COMMD1: variants seen among roughly 807,000 people sequenced by gnomAD.
COMMD1 encodes COMM domain-containing protein 1.
A neutral mutation model predicts 17.2 loss-of-function variants in COMMD1; 10 were observed. That is an observed-to-expected ratio of 0.58 (90% CI 0.36 to 0.99). COMMD1 has a LOEUF of 0.99. COMMD1 is among the 50% of genes least tolerant of loss of function. The pLI is 0.01. For missense variants in COMMD1, 270 were observed against 231.8 expected, an observed-to-expected ratio of 1.17 and a Z score of -1.07; for synonymous variants, 97 against 91.6, an observed-to-expected ratio of 1.06 and a Z score of -0.34.
intron 1 of COMMD1, among the ~76,000 whole-genome samples, chr2:61,934,309 A>G (rs1450322573): frequency 6.6e-6 from 1 of 152,216 alleles, no homozygotes; most frequent in African/African-American, 2.4e-5. Flanking sequence ...TGGGATGTCC[A>G]CAGTAAATGA....
intron 2 of COMMD1, among the ~76,000 whole-genome samples, chr2:62,003,605 T>TACACAC (rs57628894): frequency 0.1 from 15,285 of 146,096 alleles, 949 homozygotes; most frequent in East Asian, 0.16. Context: ...CAGATATTTT[T>TACACAC]ACACACACAC....
chr2:61,975,984 G>C (rs11679184), intron 1 of COMMD1, among the ~76,000 whole-genome samples: 17,053 of 152,094 alleles, frequency 0.11, 2,260 homozygotes, highest in African/African-American at 0.32. Context: ...TTAGATCCAG[G>C]TGATTAGTAG....
intron 2 of COMMD1, among the ~76,000 whole-genome samples, chr2:62,073,461 A>G (rs1257611394): frequency 1.3e-5 from 2 of 152,146 alleles, no homozygotes; most frequent in African/African-American, 4.8e-5. Flanking sequence ...CAGTAGTTTT[A>G]CTCTTTCAAC....
chr2:62,049,313 G>GA (rs1670474520), intron 2 of COMMD1, among the ~76,000 whole-genome samples: 1 of 152,036 alleles, frequency 6.6e-6, no homozygotes, highest in Non-Finnish European at 1.5e-5. Context: ...CTCTTTTTGG[G>GA]AAAATCCCAA....
chr2:61,937,872 G>T (rs772484530), intron 1 of COMMD1, among the ~76,000 whole-genome samples: 1 of 152,144 alleles, frequency 6.6e-6, no homozygotes, highest in Non-Finnish European at 1.5e-5. Flanking sequence ...TCTTTTACCA[G>T]TTGTTCAGGC....
intron 2 of COMMD1, among the ~76,000 whole-genome samples, chr2:62,011,380 C>T (rs1669272785): frequency 1.3e-5 from 2 of 152,210 alleles, no homozygotes; most frequent in African/African-American, 4.8e-5. Context: ...AATTTGTGGA[C>T]AACTGCTGGT....
chr2:62,090,036 G>A (rs574723223), intron 2 of COMMD1, among the ~76,000 whole-genome samples: 1 of 152,186 alleles, frequency 6.6e-6, no homozygotes, highest in African/African-American at 2.4e-5. Flanking sequence ...AGTCTAACCT[G>A]ATGTAATAGC....
intron 2 of COMMD1, among the ~76,000 whole-genome samples, chr2:62,080,914 A>G (rs1671497408): frequency 6.6e-6 from 1 of 151,884 alleles, no homozygotes; most frequent in Non-Finnish European, 1.5e-5. Context: ...CTTTTTTAAT[A>G]GCTGCATAAT....
intron 2 of COMMD1, among the ~76,000 whole-genome samples, chr2:62,115,480 G>A (rs192982970): frequency 1.0e-3 from 155 of 152,276 alleles, no homozygotes; most frequent in Middle Eastern, 3.4e-3. Flanking sequence ...ATTCAATGTG[G>A]GAATAATAGT....
chr2:62,030,160 C>G (rs1195314034), intron 2 of COMMD1, among the ~76,000 whole-genome samples: 3 of 152,198 alleles, frequency 2.0e-5, no homozygotes, highest in Non-Finnish European at 4.4e-5. Context: ...GGGCAGGGCT[C>G]TCTCTGGGAT....
chr2:61,908,438 G>C (rs986652735), intron 1 of COMMD1, among the ~76,000 whole-genome samples: 8 of 151,954 alleles, frequency 5.3e-5, no homozygotes, highest in Non-Finnish European at 1.0e-4. Flanking sequence ...TGTTGGCCGG[G>C]ATGGTTTTGA....
At chr2:62,109,408 C>T (rs1160199968) in intron 2 of COMMD1, among the ~76,000 whole-genome samples, 2 of 152,292 alleles carry the variant, frequency 1.3e-5, no homozygotes, top group South Asian at 2.1e-4. Flanking sequence ...TAGCTACGCC[C>T]ATCTCTTCTC....
At chr2:62,004,818 C>T (rs1301318201) in intron 2 of COMMD1, among the ~76,000 whole-genome samples, 1 of 152,254 alleles carries the variant, frequency 6.6e-6, no homozygotes, top group East Asian at 1.9e-4. Flanking sequence ...ATTTTTAGAA[C>T]ACCTATAGGC....
intron 2 of COMMD1, among the ~76,000 whole-genome samples, chr2:62,017,838 G>A (rs982213669): frequency 2.0e-5 from 3 of 151,284 alleles, no homozygotes; most frequent in Non-Finnish European, 4.4e-5. Flanking sequence ...AGAACAGGAG[G>A]TCAAGATCAG....
Sources: allele counts gnomAD v4.1 joint callset (sites outside exome capture counted in the v4.1 genomes callset), GRCh38; gene constraint gnomAD v4.1.1; transcripts MANE v1.5; gene names NCBI Gene and HGNC (gene_info 2026-07-23, HGNC 2026-07-21).